Variants in CLYBL observed in about 807,000 individuals in gnomAD.
CLYBL encodes citramalyl-CoA lyase, mitochondrial.
A neutral mutation model predicts 38.9 loss-of-function variants in CLYBL; 31 were observed. The observed-to-expected ratio is 0.80, with a 90% CI of 0.60 to 1.08. The LOEUF (loss-of-function observed/expected upper bound fraction) is 1.08, where lower values mean the gene tolerates loss of function less well. CLYBL is among the 50% of genes least tolerant of loss of function. The pLI, the probability that CLYBL is intolerant of heterozygous loss-of-function variation, is 0.00. For synonymous variants in CLYBL, 171 were observed against 158.6 expected (o/e 1.08, Z -0.59); for missense variants, 434 against 411.6 (o/e 1.05, Z -0.47).
At chr13:99,706,579 C>CA (rs1186943520) in intron 1 of CLYBL, among the ~76,000 whole-genome samples, 2 of 152,016 alleles carry the variant, frequency 1.3e-5, no homozygotes, top group African/African-American at 4.8e-5. Context: ...GTAGTAAGTG[C>CA]ACCTTTCTTG....
intron 1 of CLYBL, among the ~76,000 whole-genome samples, chr13:99,665,085 A>T (rs1419522749): frequency 2.6e-5 from 4 of 151,348 alleles, no homozygotes; most frequent in Non-Finnish European, 4.4e-5. Context: ...AAATATATTT[A>T]AAAATATATT....
At chr13:99,640,655 C>T (rs1017855245) in intron 1 of CLYBL, among the ~76,000 whole-genome samples, 6 of 152,188 alleles carry the variant, frequency 3.9e-5, no homozygotes, top group Non-Finnish European at 8.8e-5. Context: ...ACAGACGCAA[C>T]ATGGTTTAAA....
At chr13:99,845,589 G>T (rs1185429923) in intron 2 of CLYBL, among the ~76,000 whole-genome samples, 1 of 152,188 alleles carries the variant, frequency 6.6e-6, no homozygotes, top group African/African-American at 2.4e-5. Context: ...GCATTTGCTC[G>T]AGGAAAACAT....
chr13:99,791,370 A>C (rs1401515369), intron 2 of CLYBL, among the ~76,000 whole-genome samples: 5 of 148,858 alleles, frequency 3.4e-5, no homozygotes, highest in Non-Finnish European at 7.4e-5. Context: ...TAAAAAAAAA[A>C]CAAACAAAAA....
chr13:99,853,408 A>G (rs983286719), intron 2 of CLYBL, among the ~76,000 whole-genome samples: 10 of 152,204 alleles, frequency 6.6e-5, no homozygotes, highest in African/African-American at 2.2e-4. Context: ...CAAAATCTAC[A>G]TTTTCAGAGT....
At chr13:99,858,584 T>C (rs2051516063) in intron 2 of CLYBL, among the ~76,000 whole-genome samples, 1 of 152,236 alleles carries the variant, frequency 6.6e-6, no homozygotes, top group African/African-American at 2.4e-5. Flanking sequence ...GAAGTAATGC[T>C]AATGAGAAAG....
chr13:99,781,047 T>A (rs1037301352), intron 2 of CLYBL, among the ~76,000 whole-genome samples: 1 of 151,650 alleles, frequency 6.6e-6, no homozygotes, highest in Admixed American at 6.6e-5. Flanking sequence ...TACTGACGAG[T>A]TTCACTTTAA....
chr13:99,618,516 C>T (rs146888025), intron 1 of CLYBL, among the ~76,000 whole-genome samples: 2,835 of 152,214 alleles, frequency 0.019, 85 homozygotes, highest in African/African-American at 0.064. Context: ...GTGATCTACC[C>T]GCCTCGGCCT....
At chr13:99,733,162 A>G (rs1231665675) in intron 1 of CLYBL, among the ~76,000 whole-genome samples, 1 of 152,168 alleles carries the variant, frequency 6.6e-6, no homozygotes, top group South Asian at 2.1e-4. Flanking sequence ...TCCTCCTCAA[A>G]GATTACTCCC....
chr13:99,771,529 C>T (rs953411479), intron 1 of CLYBL, among the ~76,000 whole-genome samples: 2 of 152,136 alleles, frequency 1.3e-5, no homozygotes, highest in Non-Finnish European at 2.9e-5. Context: ...TTCACCGGGC[C>T]CCGCAAATTG....
chr13:99,763,695 C>T (rs750818075), intron 1 of CLYBL, among the ~76,000 whole-genome samples: 1 of 151,934 alleles, frequency 6.6e-6, no homozygotes, highest in Non-Finnish European at 1.5e-5. Flanking sequence ...GCTGGGATTA[C>T]AGGCAGATGC....
chr13:99,719,656 G>A (rs749156693), intron 1 of CLYBL, among the ~76,000 whole-genome samples: 3 of 151,534 alleles, frequency 2.0e-5, no homozygotes, highest in Admixed American at 6.6e-5. Flanking sequence ...ACAGGTGCCC[G>A]CCACCACACC....
intron 1 of CLYBL, among the ~76,000 whole-genome samples, chr13:99,699,837 C>CA (rs1299143767): frequency 1.3e-5 from 2 of 150,158 alleles, no homozygotes; most frequent in African/African-American, 4.9e-5. Context: ...ACTAAAAATA[C>CA]AAAAAAATTA....
Position 99,862,981 on chromosome 13 carries a change from C to G in CLYBL, c.439-10C>G. On this transcript the variant is annotated splice_polypyrimidine_tract_variant and intron_variant, in intron 3 of 8. Transcript: ENST00000339105. ...TCCCCACTAATCACCTATGACACTT[C>G]TGATTTTAGTTTGCAGACAAATTTT... The G allele has an allele frequency of 6.4e-7, 1 of 1,559,784 alleles. No homozygotes were observed. The highest frequency in any genetic ancestry group is 8.8e-7 in the Non-Finnish European group (1 of 1,133,258).
chr13:99,680,548 C>G (rs1263686579), intron 1 of CLYBL, among the ~76,000 whole-genome samples: 2 of 152,112 alleles, frequency 1.3e-5, no homozygotes, highest in Non-Finnish European at 2.9e-5. Context: ...AAAATAAACC[C>G]CTCATCCTCA....
chr13:99,866,519 A>G (rs2051749386), intron 6 of CLYBL, 112 bp downstream of exon 6: 2 of 841,076 alleles, frequency 2.4e-6, no homozygotes, highest in Non-Finnish European at 3.5e-6. Context: ...TACTTACTCC[A>G]CTATTTGAAA....
chr13:99,731,141 T>C (rs981691691), intron 1 of CLYBL, among the ~76,000 whole-genome samples: 1 of 147,476 alleles, frequency 6.8e-6, no homozygotes, highest in African/African-American at 2.5e-5. Flanking sequence ...GGGGTCCTGG[T>C]TTTGTTGTAC....
intron 2 of CLYBL, among the ~76,000 whole-genome samples, chr13:99,853,016 G>A (rs1460824535): frequency 6.6e-6 from 1 of 152,132 alleles, no homozygotes; most frequent in Non-Finnish European, 1.5e-5. Context: ...TTCTCTTTGT[G>A]TTTTTGAGGT....
chr13:99,695,711 A>T (rs139734796), intron 1 of CLYBL, among the ~76,000 whole-genome samples: 409 of 151,968 alleles, frequency 2.7e-3, no homozygotes, highest in African/African-American at 9.3e-3. Context: ...GTAGAGAGAG[A>T]TTTCACCATG....
Sources: allele counts gnomAD v4.1 joint callset (sites outside exome capture counted in the v4.1 genomes callset), GRCh38; gene constraint gnomAD v4.1.1; transcripts MANE v1.5; gene names NCBI Gene and HGNC (gene_info 2026-07-23, HGNC 2026-07-21).